Variants in TTC28 observed in about 807,000 individuals in gnomAD.
TTC28 encodes tetratricopeptide repeat protein 28.
A neutral mutation model predicts 198.0 loss-of-function variants in TTC28; 61 were observed. The ratio of observed to expected loss-of-function variants is 0.31; its 90% CI spans 0.25 to 0.38. TTC28 has a LOEUF of 0.38. TTC28 is among the 10% of genes least tolerant of loss of function. The pLI is 1.00. For synonymous variants in TTC28, 1,171 were observed against 1,297.8 expected (o/e 0.90, Z 2.10); for missense variants, 2,678 against 3,164.0 (o/e 0.85, Z 3.69).
chr22:28,523,113 T>A (rs781479094), intron 2 of TTC28, among the ~76,000 whole-genome samples: 1 of 152,016 alleles, frequency 6.6e-6, no homozygotes, highest in Non-Finnish European at 1.5e-5. Flanking sequence ...GCAAGAGATA[T>A]ACTTTAAATA....
chr22:28,269,107 C>CAAGCACT (rs1237672245), intron 5 of TTC28, among the ~76,000 whole-genome samples: 1 of 152,110 alleles, frequency 6.6e-6, no homozygotes, highest in Non-Finnish European at 1.5e-5. Context: ...GTCTTTCACG[C>CAAGCACT]AAGCACTAAT....
intron 5 of TTC28, among the ~76,000 whole-genome samples, chr22:28,227,690 G>A (rs1237518584): frequency 2.6e-5 from 4 of 151,052 alleles, no homozygotes; most frequent in African/African-American, 9.7e-5. Context: ...TCATTAGGAT[G>A]TTATTACAGA....
chr22:28,087,462 C>T (rs1460423612), intron 12 of TTC28, among the ~76,000 whole-genome samples: 2 of 152,214 alleles, frequency 1.3e-5, no homozygotes, highest in East Asian at 3.9e-4. Context: ...AATTCAACAA[C>T]CCTTCATGCT....
intron 6 of TTC28, among the ~76,000 whole-genome samples, chr22:28,121,713 C>T (rs1374139343): frequency 6.6e-6 from 1 of 152,232 alleles, no homozygotes; most frequent in East Asian, 1.9e-4. Flanking sequence ...CTTCCTCCTC[C>T]TCTCCTGCCT....
At chr22:28,324,823 C>G (rs975097340) in intron 2 of TTC28, among the ~76,000 whole-genome samples, 7 of 152,278 alleles carry the variant, frequency 4.6e-5, no homozygotes, top group African/African-American at 1.7e-4. Context: ...CCTTTGAAAA[C>G]TGGCACAAGA....
chr22:28,540,543 A>C (rs1391029083), intron 2 of TTC28, among the ~76,000 whole-genome samples: 1 of 152,198 alleles, frequency 6.6e-6, no homozygotes, highest in African/African-American at 2.4e-5. Flanking sequence ...TAGAGTATAC[A>C]ATATTTATGA....
chr22:28,081,222 C>T (rs1941345303), intron 12 of TTC28, among the ~76,000 whole-genome samples: 1 of 151,842 alleles, frequency 6.6e-6, no homozygotes, highest in Admixed American at 6.6e-5. Flanking sequence ...TCTCTGTTGC[C>T]CAGGCTGGAG....
chr22:28,335,597 G>T (rs1276921190), intron 2 of TTC28, among the ~76,000 whole-genome samples: 4 of 152,054 alleles, frequency 2.6e-5, no homozygotes, highest in African/African-American at 9.7e-5. Flanking sequence ...TCTCTTTGAA[G>T]CAATTGTGAA....
intron 9 of TTC28, among the ~76,000 whole-genome samples, chr22:28,099,462 G>A (rs984246687): frequency 5.5e-4 from 84 of 152,190 alleles, no homozygotes; most frequent in Admixed American, 1.2e-3. Flanking sequence ...GTAAAGCCAT[G>A]GTGAAACTGT....
chr22:28,552,492 T>C (rs1422003278), intron 2 of TTC28, among the ~76,000 whole-genome samples: 1 of 152,128 alleles, frequency 6.6e-6, no homozygotes. Flanking sequence ...TATAAGGCCA[T>C]AGTCACCAAA....
chr22:28,080,584 G>A lies in TTC28; in HGVS notation c.3932+13496C>T, dbSNP rs144318003. Among the ~76,000 whole-genome samples the A allele has an allele frequency of 4.2e-3, 634 of 152,002 alleles. 2 individuals carry two copies. Among genetic ancestry groups the A allele is most frequent in the Non-Finnish European group, 6.0e-3 (411 of 67,984 alleles). On this transcript the variant is annotated intron_variant, in intron 12 of 22. Transcript: ENST00000397906. ...AGTTGTAGGAGTTTTTATATATTCT[G>A]GATATTATCAGATACATGGTTTGCA...
intron 1 of TTC28, 125 bp downstream of exon 1, chr22:28,679,497 T>C: frequency 6.6e-6 from 4 of 602,326 alleles, no homozygotes; most frequent in Non-Finnish European, 1.0e-5. Flanking sequence ...GCGGCTGGGA[T>C]CGAACCCGGA....
At chr22:28,674,817 CAA>C (rs34351638) in intron 1 of TTC28, among the ~76,000 whole-genome samples, 120 of 96,540 alleles carry the variant, frequency 1.2e-3, no homozygotes, top group Middle Eastern at 5.0e-3. Flanking sequence ...ACTCTGTCTC[CAA>C]AAAAAAAAAA....
chr22:28,091,165 C>T (rs1015219391), intron 12 of TTC28, among the ~76,000 whole-genome samples: 4 of 152,168 alleles, frequency 2.6e-5, no homozygotes, highest in Admixed American at 2.0e-4. Flanking sequence ...AGACATTTTT[C>T]AATTCAAAAG....
intron 2 of TTC28, among the ~76,000 whole-genome samples, chr22:28,383,202 ATCTT>A (rs1267062368): frequency 6.6e-6 from 1 of 152,116 alleles, no homozygotes; most frequent in Non-Finnish European, 1.5e-5. Flanking sequence ...TCTTAACCTG[ATCTT>A]TCTTTCTTAA....
At chr22:28,511,249 T>A (rs1238905573) in intron 2 of TTC28, among the ~76,000 whole-genome samples, 1 of 152,152 alleles carries the variant, frequency 6.6e-6, no homozygotes, top group East Asian at 1.9e-4. Context: ...GCTACCCAAC[T>A]TCAAACTATA....
At position 28,516,546 on chromosome 22, in the gene TTC28, T is replaced by A. The variant is rs1354409222; in HGVS notation, c.381+113006A>T. Among the ~76,000 whole-genome samples the A allele has an allele frequency of 4.4e-5, 6 of 136,774 alleles. No individual in the cohort carries two copies. In the East Asian group the frequency reaches 1.3e-3, roughly 29 times the overall value. The allele number at this position is 136,774 out of a possible 152,430, so 89.7% of individuals were successfully genotyped here. On this transcript the variant is annotated intron_variant, in intron 2 of 22. Transcript: ENST00000397906. ...AACACCGCACGTTTTCACTCATAGG[T>A]AGGAACTGAACAATGAGATAATTTG...
intron 6 of TTC28, among the ~76,000 whole-genome samples, chr22:28,153,658 A>G (rs1943669789): frequency 6.6e-6 from 1 of 152,216 alleles, no homozygotes; most frequent in South Asian, 2.1e-4. Context: ...ATAGCACAGT[A>G]TCTACCACAT....
At chr22:28,563,722 G>A (rs182739754) in intron 2 of TTC28, among the ~76,000 whole-genome samples, 1 of 152,272 alleles carries the variant, frequency 6.6e-6, no homozygotes, top group East Asian at 1.9e-4. Flanking sequence ...TGCAACTGCT[G>A]TAGAAAAAAG....
Sources: gnomAD v4.1 joint callset for allele counts (sites outside exome capture counted in the v4.1 genomes callset) on GRCh38, gnomAD v4.1.1 for gene constraint, MANE v1.5 for transcripts, NCBI Gene and HGNC (gene_info 2026-07-23, HGNC 2026-07-21) for gene names.